Variants in OPCML observed in about 807,000 individuals in gnomAD.
OPCML encodes the protein opioid-binding protein/cell adhesion molecule.
Under a neutral mutation model 37.8 loss-of-function variants are expected in OPCML, and 13 were observed. The observed-to-expected ratio is 0.34, with a 90% confidence interval of 0.22 to 0.55. The LOEUF (loss-of-function observed/expected upper bound fraction) is 0.55, where lower values mean the gene tolerates loss of function less well. Among genes scored for constraint, OPCML ranks in the 20% least tolerant of loss-of-function variants. The probability of loss-of-function intolerance (pLI) is 0.91; values close to 1 mark genes in which losing one functional copy is unlikely to be tolerated. For missense variants in OPCML, 341 were observed against 435.6 expected (o/e 0.78, Z 1.93); for synonymous variants, 176 against 168.8 (o/e 1.04, Z -0.33).
At chr11:132,581,557 A>G (rs2096461980) in intron 3 of OPCML, among the ~76,000 whole-genome samples, 1 of 152,192 alleles carries the variant, frequency 6.6e-6, no homozygotes, top group Non-Finnish European at 1.5e-5. Flanking sequence ...CTGGCCTCTG[A>G]TGGCTAAGCA....
At chr11:132,578,150 T>C (rs912930576) in intron 3 of OPCML, among the ~76,000 whole-genome samples, 4 of 152,228 alleles carry the variant, frequency 2.6e-5, no homozygotes. Context: ...CTTTCAACAA[T>C]GAATTTATAG....
intron 1 of OPCML, among the ~76,000 whole-genome samples, chr11:133,396,475 G>T (rs1383932225): frequency 1.3e-5 from 2 of 151,938 alleles, no homozygotes; most frequent in African/African-American, 4.8e-5. Flanking sequence ...GACACGATTT[G>T]TCCACTTTGC....
chr11:133,078,189 C>T (rs953939767), intron 1 of OPCML, among the ~76,000 whole-genome samples: 4 of 152,098 alleles, frequency 2.6e-5, no homozygotes, highest in African/African-American at 9.7e-5. Context: ...GGGGTGTGGA[C>T]GCACCGAGCA....
At chr11:132,691,060 C>T (rs896851978) in intron 2 of OPCML, among the ~76,000 whole-genome samples, 2 of 152,162 alleles carry the variant, frequency 1.3e-5, no homozygotes, top group African/African-American at 4.8e-5. Flanking sequence ...TGCTGTTCTA[C>T]ACATATTAGT....
chr11:132,707,677 A>G (rs559252032), intron 2 of OPCML, among the ~76,000 whole-genome samples: 74 of 152,340 alleles, frequency 4.9e-4, no homozygotes, highest in African/African-American at 1.6e-3. Flanking sequence ...TACAGCCATC[A>G]CTAGCAGGCC....
At chr11:133,478,509 A>G (rs1009530276) in intron 1 of OPCML, among the ~76,000 whole-genome samples, 3 of 152,098 alleles carry the variant, frequency 2.0e-5, no homozygotes, top group Admixed American at 1.3e-4. Flanking sequence ...AGCATCCTCC[A>G]TGTCCCAACC....
intron 1 of OPCML, among the ~76,000 whole-genome samples, chr11:133,486,863 TCTTTCCCTCTCTATCTCTC>T (rs1370714839): frequency 1.4e-5 from 2 of 146,070 alleles, no homozygotes; most frequent in East Asian, 2.2e-4. Flanking sequence ...TCTCTCTCTC[TCTTTCCCTCTCTATCTCTC>T]CTTTCCCTCT....
At chr11:133,008,653 T>G (rs1947158292) in intron 1 of OPCML, among the ~76,000 whole-genome samples, 1 of 152,198 alleles carries the variant, frequency 6.6e-6, no homozygotes, top group Non-Finnish European at 1.5e-5. Context: ...TGGAAGGATC[T>G]GTCATCCTCC....
chr11:132,527,823 G>A (rs777219392), intron 4 of OPCML, among the ~76,000 whole-genome samples: 14 of 152,128 alleles, frequency 9.2e-5, no homozygotes, highest in Non-Finnish European at 1.6e-4. Flanking sequence ...GAAGTTACTC[G>A]TGTGGACACT....
In OPCML at chr11:133,527,173, G is replaced by A. The variant is rs116354815; in HGVS notation, c.61+5091C>T. 6.2e-3 allele frequency among the ~76,000 whole-genome samples: 942 copies of A among 152,322 alleles called. 8 individuals are homozygous for A. The highest frequency in any genetic ancestry group is 0.022 in the African/African-American group (900 of 41,562). On this transcript the variant is annotated intron_variant, in intron 1 of 7. Coordinates refer to ENST00000524381, the MANE Select transcript of OPCML (RefSeq NM_001012393.5). ...CCCATAGGCCAAAGGCTATTAGATG[G>A]GGCTCCTGGAGTTCCAGCTGTCCAA... is the stretch of plus-strand genomic sequence containing the variant.
intron 1 of OPCML, among the ~76,000 whole-genome samples, chr11:133,456,691 G>T (rs1293583903): frequency 1.3e-5 from 2 of 149,154 alleles, no homozygotes; most frequent in Admixed American, 6.7e-5. Flanking sequence ...AAAGATATAT[G>T]AACAAAATAA....
At chr11:133,463,238 G>A (rs1483165148) in intron 1 of OPCML, among the ~76,000 whole-genome samples, 1 of 152,048 alleles carries the variant, frequency 6.6e-6, no homozygotes, top group African/African-American at 2.4e-5. Context: ...AGTCACCAGG[G>A]AAAGGTCAGA....
intron 1 of OPCML, among the ~76,000 whole-genome samples, chr11:133,289,773 A>G (rs1039759101): frequency 1.3e-5 from 2 of 152,254 alleles, no homozygotes; most frequent in Admixed American, 1.3e-4. Context: ...AAGCCTGGAC[A>G]TGAGCTACAT....
At chr11:132,830,711 T>C (rs938017103) in intron 2 of OPCML, among the ~76,000 whole-genome samples, 10 of 152,208 alleles carry the variant, frequency 6.6e-5, no homozygotes, top group Non-Finnish European at 2.9e-5. Flanking sequence ...TTAGGAGCGG[T>C]TGCCTTCCTC....
rs1938403841 is a variant in OPCML at position 132,607,870 on chromosome 11, G to A, written c.379+49217C>T. On this transcript the variant is annotated intron_variant, in intron 3 of 7. Coordinates refer to ENST00000524381, the MANE Select transcript of OPCML (RefSeq NM_001012393.5). ...GGCAGAGAAGAGTAGGAGGGAGTGG[G>A]GAAGAAAGGGAGGTTGAGTCGTAGG... Among the ~76,000 whole-genome samples the A allele has an allele frequency of 3.3e-5, 5 of 152,218 alleles. No individual in the cohort carries two copies. The South Asian group carries it at 1.0e-3, about 32-fold the overall frequency.
At chr11:132,743,152 T>G (rs1274389168) in intron 2 of OPCML, among the ~76,000 whole-genome samples, 1 of 152,200 alleles carries the variant, frequency 6.6e-6, no homozygotes, top group East Asian at 1.9e-4. Context: ...CTCTTTCACA[T>G]TATGCTCAGG....
chr11:132,813,366 G>T (rs538127143), intron 2 of OPCML, among the ~76,000 whole-genome samples: 62 of 152,280 alleles, frequency 4.1e-4, no homozygotes, highest in African/African-American at 1.4e-3. Context: ...TATTAAGAGG[G>T]TTGTTTAATT....
chr11:132,720,828 C>A lies in OPCML; in HGVS notation c.147-63509G>T, dbSNP rs569233168. 1.1e-4 allele frequency among the ~76,000 whole-genome samples: 17 copies of A among 152,192 alleles called. 1 individual carries two copies. The highest frequency in any genetic ancestry group is 9.7e-4 in the East Asian group (5 of 5,178). Reference sequence around the variant, plus strand: ...TTAAAATCACATAATAATATTATTACCTTGTGTACATAGACTATTTCATAA... The same window carrying A: ...TTAAAATCACATAATAATATTATTAACTTGTGTACATAGACTATTTCATAA... On this transcript the variant is annotated intron_variant, in intron 2 of 7. Transcript: ENST00000524381.
At chr11:132,491,486 C>T (rs975450744) in intron 4 of OPCML, among the ~76,000 whole-genome samples, 4 of 152,320 alleles carry the variant, frequency 2.6e-5, no homozygotes, top group African/African-American at 4.8e-5. Flanking sequence ...ACTTGTTGCA[C>T]GGACCACCTC....
Sources: gnomAD v4.1 joint callset for allele counts (sites outside exome capture counted in the v4.1 genomes callset) on GRCh38, gnomAD v4.1.1 for gene constraint, MANE v1.5 for transcripts, NCBI Gene and HGNC (gene_info 2026-07-23, HGNC 2026-07-21) for gene names.